The following ZFP1 variants were observed in gnomAD, a reference collection of about 807,000 sequenced individuals.
ZFP1 encodes ZFP1 zinc finger protein.
ZFP1 carries 32 observed loss-of-function variants against 38.5 expected under a neutral mutation model. That is an observed-to-expected ratio of 0.83 (90% CI 0.63 to 1.12). ZFP1 has a LOEUF of 1.12. ZFP1 is among the 50% of genes most tolerant of loss of function. ZFP1 has a pLI of 0.00. For missense variants in ZFP1, 616 were observed against 480.8 expected (o/e 1.28, Z -2.63); for synonymous variants, 245 against 168.8 (o/e 1.45, Z -3.50).
chr16:75,147,228 T>TC (rs1328408581), upstream of ZFP1, among the ~76,000 whole-genome samples: 1 of 152,120 alleles, frequency 6.6e-6, no homozygotes. Flanking sequence ...ACCCATAGAA[T>TC]GTACAACATC....
At chr16:75,120,504 TGGTTTTTTTTTG>T in the ZFP1 span, among the ~76,000 whole-genome samples, 2 of 151,884 alleles carry the variant, frequency 1.3e-5, no homozygotes, top group Non-Finnish European at 2.9e-5. Flanking sequence ...TACCTGTTTG[TGGTTTTTTTTTG>T]GGTTTTTTTT....
the ZFP1 span, among the ~76,000 whole-genome samples, chr16:75,131,661 G>C: frequency 6.6e-6 from 1 of 152,018 alleles, no homozygotes; most frequent in African/African-American, 2.4e-5. Flanking sequence ...TACCTGGATT[G>C]TCTCAAAAAA....
At chr16:75,151,351 T>G (rs185587197) in intron 1 of ZFP1, among the ~76,000 whole-genome samples, 2 of 152,316 alleles carry the variant, frequency 1.3e-5, no homozygotes, top group East Asian at 3.9e-4. Flanking sequence ...CAATTATTGA[T>G]ATAGTTGTGT....
intron 2 of ZFP1, among the ~76,000 whole-genome samples, chr16:75,159,384 C>CT (rs2037647248): frequency 1.2e-4 from 1 of 8,234 alleles, no homozygotes; most frequent in African/African-American, 1.8e-4. Context: ...TCCCTTCCTT[C>CT]CTTTCTCTCT....
At position 75,170,340 on chromosome 16, in the gene ZFP1, C is replaced by T. The variant is rs748076086; in HGVS notation, c.*6C>T. 94 of 1,560,272 alleles carry T rather than the reference C, an allele frequency of 6.0e-5. No homozygotes were observed. The highest frequency in any genetic ancestry group is 6.0e-5 in the Non-Finnish European group (69 of 1,152,970). ...ACATCGGGGAGAAACCCTGAAACTC[C>T]AGCCAGGTCTTACTGTGGAAAACTC... On this transcript the variant is annotated 3_prime_UTR_variant, in exon 4 of 4. Transcript: ENST00000570010.
the ZFP1 span, among the ~76,000 whole-genome samples, chr16:75,137,620 C>T: frequency 4.0e-5 from 6 of 151,764 alleles, no homozygotes; most frequent in South Asian, 2.1e-4. Context: ...CCCACCACCA[C>T]GCCCGGCTAA....
chr16:75,142,426 G>A, the ZFP1 span, among the ~76,000 whole-genome samples: 7 of 151,880 alleles, frequency 4.6e-5, no homozygotes, highest in African/African-American at 1.7e-4. Flanking sequence ...ACGTCCTGCT[G>A]TAACCCTAAG....
At chr16:75,138,724 C>A in the ZFP1 span, among the ~76,000 whole-genome samples, 1 of 152,202 alleles carries the variant, frequency 6.6e-6, no homozygotes, top group African/African-American at 2.4e-5. Flanking sequence ...CAGAGCCAGC[C>A]GCAGCAGCGA....
At chr16:75,133,179 G>A in the ZFP1 span, among the ~76,000 whole-genome samples, 2 of 152,024 alleles carry the variant, frequency 1.3e-5, no homozygotes, top group Admixed American at 1.3e-4. Context: ...GTTTCGCCAT[G>A]TTGGCCAGGC....
In ZFP1 at chr16:75,169,313, G is replaced by C. The variant is rs767363902; in HGVS notation, c.203G>C (p.Arg68Thr). ...CACAGAAACCCAGACGAGCAGGCGA[G>C]GCAATTTTTAATTCTTAAGAACCAA... is the stretch of plus-strand genomic sequence containing the variant. Reference protein sequence around the residue: ...RDHRNPDEQARQFLILKNQTP... With the variant: ...RDHRNPDEQATQFLILKNQTP... Residue 68 changes from arginine to threonine, a missense_variant, in exon 4 of 4, where the codon AGG becomes ACG. By Grantham distance (71) the Arg-to-Thr change is moderately conservative. Transcript: ENST00000570010. 2 of 1,614,076 alleles carry C rather than the reference G, an allele frequency of 1.2e-6. No homozygotes were observed. Among genetic ancestry groups the C allele is most frequent in the South Asian group, 1.1e-5 (1 of 91,068 alleles).
the ZFP1 span, among the ~76,000 whole-genome samples, chr16:75,119,965 G>C: frequency 6.6e-6 from 1 of 152,174 alleles, no homozygotes; most frequent in Non-Finnish European, 1.5e-5. Context: ...TACACAACGA[G>C]GCCACCTTTT....
chr16:75,133,936 C>T, the ZFP1 span, among the ~76,000 whole-genome samples: 49 of 152,168 alleles, frequency 3.2e-4, no homozygotes, highest in African/African-American at 1.2e-3. Flanking sequence ...GTAGCCCCAG[C>T]TACTTGGGAG....
the ZFP1 span, among the ~76,000 whole-genome samples, chr16:75,125,697 C>T: frequency 6.6e-6 from 1 of 151,948 alleles, no homozygotes; most frequent in African/African-American, 2.4e-5. Flanking sequence ...ATTTAATTGG[C>T]TTCATGTTGT....
intron 2 of ZFP1, among the ~76,000 whole-genome samples, chr16:75,165,320 C>A (rs1411050107): frequency 6.6e-6 from 1 of 152,154 alleles, no homozygotes; most frequent in Non-Finnish European, 1.5e-5. Context: ...GAAGATTTGT[C>A]TTCTGACTTC....
chr16:75,123,112 G>A, the ZFP1 span, among the ~76,000 whole-genome samples: 1 of 151,688 alleles, frequency 6.6e-6, no homozygotes, highest in Non-Finnish European at 1.5e-5. Flanking sequence ...CCAGCACTTG[G>A]GGAGGACAAG....
chr16:75,168,060 C>CA (rs910753338), intron 3 of ZFP1, among the ~76,000 whole-genome samples: 33 of 152,008 alleles, frequency 2.2e-4, no homozygotes, highest in Admixed American at 1.3e-3. Context: ...GACCCCATCT[C>CA]AAAAAAACAA....
At chr16:75,129,421 CT>C in the ZFP1 span, among the ~76,000 whole-genome samples, 8 of 152,098 alleles carry the variant, frequency 5.3e-5, no homozygotes, top group African/African-American at 1.9e-4. Context: ...AATCACTAAG[CT>C]AAAGGGAAAA....
upstream of ZFP1, among the ~76,000 whole-genome samples, chr16:75,146,689 C>T (rs536939242): frequency 4.6e-5 from 7 of 152,108 alleles, no homozygotes; most frequent in South Asian, 2.1e-4. Flanking sequence ...CTATAATCCC[C>T]GCACTTTGGG....
At chr16:75,143,647 C>CTTTTTT (rs386385080), upstream of ZFP1, among the ~76,000 whole-genome samples, 66 of 93,762 alleles carry the variant, frequency 7.0e-4, 4 homozygotes, top group East Asian at 3.3e-3. Context: ...GGAGGTGAAT[C>CTTTTTT]TTTTTTTTTT....
Sources: allele counts gnomAD v4.1 joint callset (sites outside exome capture counted in the v4.1 genomes callset), GRCh38; gene constraint gnomAD v4.1.1; transcripts MANE v1.5; gene names NCBI Gene and HGNC (gene_info 2026-07-23, HGNC 2026-07-21).